STX8: variants seen among roughly 807,000 people sequenced by gnomAD.
The protein encoded by STX8 is syntaxin-8.
Under a neutral mutation model 37.5 loss-of-function variants are expected in STX8, and 23 were observed. The observed-to-expected ratio is 0.61, with a 90% confidence interval of 0.44 to 0.87. The LOEUF is 0.87. Ranked by LOEUF, STX8 falls within the 40% of genes least tolerant of loss-of-function variation. STX8 has a pLI of 0.00. For missense variants in STX8, 313 were observed against 284.7 expected, an observed-to-expected ratio of 1.10 and a Z score of -0.71; for synonymous variants, 115 against 99.1, an observed-to-expected ratio of 1.16 and a Z score of -0.95.
chr17:9,287,788 G>A (rs998120278), intron 7 of STX8, among the ~76,000 whole-genome samples: 3 of 151,398 alleles, frequency 2.0e-5, no homozygotes, highest in Middle Eastern at 3.4e-3. Flanking sequence ...AGGCTCACTC[G>A]GTCGCCAGAC....
chr17:9,494,778 C>T (rs1351447590), intron 5 of STX8, among the ~76,000 whole-genome samples: 1 of 152,062 alleles, frequency 6.6e-6, no homozygotes, highest in Non-Finnish European at 1.5e-5. Flanking sequence ...TCAAGTTACT[C>T]ACGATCCTTT....
At chr17:9,537,846 G>A (rs1033789494) in intron 4 of STX8, among the ~76,000 whole-genome samples, 2 of 152,236 alleles carry the variant, frequency 1.3e-5, no homozygotes, top group East Asian at 1.9e-4. Flanking sequence ...CTATTAATAT[G>A]CTCTCAAAAT....
At chr17:9,546,334 G>T (rs1234073155) in intron 3 of STX8, among the ~76,000 whole-genome samples, 3 of 151,664 alleles carry the variant, frequency 2.0e-5, no homozygotes, top group Admixed American at 2.0e-4. Context: ...TTCTTTATAT[G>T]TAACACTAAA....
intron 6 of STX8, among the ~76,000 whole-genome samples, chr17:9,456,626 T>C (rs542921487): frequency 4.6e-5 from 7 of 152,270 alleles, no homozygotes; most frequent in Admixed American, 2.0e-4. Flanking sequence ...AAATAATCAC[T>C]TCTTGGCATG....
chr17:9,468,930 G>T (rs567103903), intron 6 of STX8, among the ~76,000 whole-genome samples: 25 of 152,232 alleles, frequency 1.6e-4, no homozygotes, highest in African/African-American at 5.3e-4. Flanking sequence ...CTCCTCATAC[G>T]CATCCCGCAT....
chr17:9,503,217 G>A (rs1220247567), intron 5 of STX8, among the ~76,000 whole-genome samples: 3 of 150,532 alleles, frequency 2.0e-5, no homozygotes, highest in Non-Finnish European at 4.4e-5. Context: ...TTCCCCAAAA[G>A]GTACATACTG....
At chr17:9,448,968 T>C (rs1025984315) in intron 6 of STX8, among the ~76,000 whole-genome samples, 1 of 152,238 alleles carries the variant, frequency 6.6e-6, no homozygotes, top group Admixed American at 6.5e-5. Flanking sequence ...AAAAGATACA[T>C]AGATTAAAAA....
chr17:9,525,059 T>C (rs1390912978), intron 4 of STX8, among the ~76,000 whole-genome samples: 1 of 152,164 alleles, frequency 6.6e-6, no homozygotes, highest in Admixed American at 6.5e-5. Flanking sequence ...TCCACCCACC[T>C]TGACCTCCCA....
chr17:9,341,251 G>T (rs1458809424), intron 7 of STX8, among the ~76,000 whole-genome samples: 1 of 151,958 alleles, frequency 6.6e-6, no homozygotes, highest in East Asian at 1.9e-4. Context: ...GATGCTCTCT[G>T]GTTTTGCTTC....
intron 7 of STX8, among the ~76,000 whole-genome samples, chr17:9,377,081 C>G (rs1384495267): frequency 6.6e-6 from 1 of 152,080 alleles, no homozygotes; most frequent in Admixed American, 6.6e-5. Flanking sequence ...CTCTATGTGC[C>G]TGACCCTCTC....
At chr17:9,334,449 A>T (rs1473904844) in intron 7 of STX8, among the ~76,000 whole-genome samples, 1 of 152,190 alleles carries the variant, frequency 6.6e-6, no homozygotes, top group Non-Finnish European at 1.5e-5. Flanking sequence ...ACGTTAGTTC[A>T]GCCTAAACCC....
intron 4 of STX8, among the ~76,000 whole-genome samples, chr17:9,510,804 T>C (rs1009699204): frequency 6.6e-6 from 1 of 152,016 alleles, no homozygotes; most frequent in East Asian, 1.9e-4. Flanking sequence ...AAAAAATGTA[T>C]TTAAAAAATC....
chr17:9,438,289 TCTCTC>T (rs1028200247), intron 6 of STX8, among the ~76,000 whole-genome samples: 1 of 146,174 alleles, frequency 6.8e-6, no homozygotes, highest in African/African-American at 2.5e-5. Flanking sequence ...CATTTGATCA[TCTCTC>T]CTCTACAACA....
intron 6 of STX8, among the ~76,000 whole-genome samples, chr17:9,388,744 A>G (rs959690833): frequency 6.6e-6 from 1 of 150,544 alleles, no homozygotes; most frequent in Non-Finnish European, 1.5e-5. Flanking sequence ...CGGGGGTTAC[A>G]GTGAGCCAAC....
chr17:9,492,636 C>T (rs62066190), intron 5 of STX8, among the ~76,000 whole-genome samples: 3,823 of 152,294 alleles, frequency 0.025, 80 homozygotes, highest in Non-Finnish European at 0.037. Context: ...AACAAATTCC[C>T]TCTTTTTGGC....
intron 7 of STX8, among the ~76,000 whole-genome samples, chr17:9,373,722 C>T (rs2142276789): frequency 6.6e-6 from 1 of 152,174 alleles, no homozygotes; most frequent in African/African-American, 2.4e-5. Context: ...GGTGGATCAC[C>T]CGAGGCTGGG....
intron 7 of STX8, among the ~76,000 whole-genome samples, chr17:9,331,552 G>C: frequency 6.6e-6 from 1 of 152,200 alleles, no homozygotes; most frequent in South Asian, 2.1e-4. Flanking sequence ...CCGAGGCCGG[G>C]TGTCCTGCAG....
intron 7 of STX8, among the ~76,000 whole-genome samples, chr17:9,326,040 C>T (rs1273499066): frequency 6.6e-6 from 1 of 152,074 alleles, no homozygotes; most frequent in Non-Finnish European, 1.5e-5. Flanking sequence ...GGGAGGCATC[C>T]AGCAGTGTGT....
chr17:9,412,524 C>A (rs952988685), intron 6 of STX8, among the ~76,000 whole-genome samples: 1 of 152,166 alleles, frequency 6.6e-6, no homozygotes, highest in Non-Finnish European at 1.5e-5. Flanking sequence ...GGTGATCCGC[C>A]CATCTCGGCC....
Sources: allele counts gnomAD v4.1 joint callset (sites outside exome capture counted in the v4.1 genomes callset), GRCh38; gene constraint gnomAD v4.1.1; transcripts MANE v1.5; gene names NCBI Gene and HGNC (gene_info 2026-07-23, HGNC 2026-07-21).